Variants in NPHP3 observed in about 807,000 individuals in gnomAD.
NPHP3 encodes nephrocystin-3.
Under a neutral mutation model 171.9 loss-of-function variants are expected in NPHP3, and 123 were observed. That is an observed-to-expected ratio of 0.72 (90% CI 0.62 to 0.83). The LOEUF (loss-of-function observed/expected upper bound fraction) is 0.83, where lower values mean the gene tolerates loss of function less well. Ranked by LOEUF, NPHP3 falls within the 40% of genes least tolerant of loss-of-function variation. The pLI is 0.00. For missense variants in NPHP3, 1,506 were observed against 1,591.9 expected (o/e 0.95, Z 0.92); for synonymous variants, 558 against 579.2 (o/e 0.96, Z 0.52).
At chr3:132,714,567 T>A (rs61080008) in intron 5 of NPHP3, among the ~76,000 whole-genome samples, 22,560 of 109,582 alleles carry the variant, frequency 0.21, 4,202 homozygotes, top group African/African-American at 0.5. Flanking sequence ...AAAAAAAAAA[T>A]AAATAAATTA....
intron 1 of NPHP3, chr3:132,721,709 G>C (rs1308075476): frequency 1.5e-6 from 1 of 676,390 alleles, no homozygotes; most frequent in South Asian, 1.5e-5. Context: ...GGCCGAGGCG[G>C]GAGGATCATT....
At chr3:132,709,608 A>G (rs1215756026) in intron 6 of NPHP3, among the ~76,000 whole-genome samples, 1 of 152,114 alleles carries the variant, frequency 6.6e-6, no homozygotes, top group East Asian at 1.9e-4. Context: ...TTTCTACACA[A>G]CAAAGGACAC....
rs2107974699 is a variant in NPHP3 at position 132,694,944 on chromosome 3, T to C, written c.2193A>G (p.Leu731=). The C allele has an allele frequency of 9.9e-6, 16 of 1,613,920 alleles. No individual in the cohort carries two copies. Among genetic ancestry groups the C allele is most frequent in the Non-Finnish European group, 1.3e-5 (15 of 1,179,924 alleles). The change falls in exon 16 of 27, where the codon TTA becomes TTG. Residue 731 remains leucine (L), a synonymous_variant. Coordinates refer to ENST00000337331, the MANE Select transcript of NPHP3 (RefSeq NM_153240.5). ...MIARAGRAGN[L]DKILHQCFQC... The stretch of plus-strand genomic sequence containing the variant: ...GGAAACACTGATGAAGGATTTTATC[T>C]AAATTGCCTGCTCTCCCAGCACTGT...
At chr3:132,717,606 G>C (rs143244748) in intron 3 of NPHP3, among the ~76,000 whole-genome samples, 1 of 152,220 alleles carries the variant, frequency 6.6e-6, no homozygotes, top group East Asian at 1.9e-4. Flanking sequence ...AAAAGACCTA[G>C]AAAGGAATTT....
chr3:132,720,708 T>G (rs1181763652), intron 1 of NPHP3, among the ~76,000 whole-genome samples: 1 of 152,152 alleles, frequency 6.6e-6, no homozygotes, highest in African/African-American at 2.4e-5. Flanking sequence ...ATGTCTAGTC[T>G]TGAAGACAGG....
chr3:132,689,559 T>C (rs993725108), intron 19 of NPHP3, among the ~76,000 whole-genome samples: 4 of 152,202 alleles, frequency 2.6e-5, no homozygotes, highest in Non-Finnish European at 5.9e-5. Context: ...CTCCACGGTG[T>C]TGGCTGTTAT....
At chr3:132,713,820 T>C (rs938751442) in intron 5 of NPHP3, among the ~76,000 whole-genome samples, 3 of 152,240 alleles carry the variant, frequency 2.0e-5, no homozygotes, top group African/African-American at 4.8e-5. Flanking sequence ...TTTCAATTAC[T>C]GGATGGAAGC....
At chr3:132,710,935 A>C (rs1939892093) in intron 6 of NPHP3, among the ~76,000 whole-genome samples, 1 of 152,206 alleles carries the variant, frequency 6.6e-6, no homozygotes, top group Admixed American at 6.5e-5. Context: ...GCTTGCTCCA[A>C]ATCCAATCAT....
chr3:132,693,941 A>G (rs181080297), intron 16 of NPHP3: 8 of 152,280 alleles, frequency 5.3e-5, no homozygotes, highest in Non-Finnish European at 7.4e-5. Flanking sequence ...ATACATCAAC[A>G]AAAAACTACA....
chr3:132,706,487 A>T (rs1318680491), intron 7 of NPHP3, among the ~76,000 whole-genome samples: 2 of 152,144 alleles, frequency 1.3e-5, no homozygotes, highest in Non-Finnish European at 2.9e-5. Flanking sequence ...ATCAAAATCC[A>T]ATTTTATGTC....
At position 132,715,216 on chromosome 3, in the gene NPHP3, C is replaced by A. The variant is rs1377460724; in HGVS notation, c.826G>T (p.Asp276Tyr). Residue 276 changes from aspartate to tyrosine, a missense_variant and splice_region_variant, in exon 5 of 27, where the codon GAC (aspartate) becomes TAC (tyrosine). By Grantham distance (160) the Asp-to-Tyr change is radical. Transcript: ENST00000337331. Reference protein sequence around the residue: ...EGPFANVNRDDWDIAVASLLQ... With the variant: ...EGPFANVNRDYWDIAVASLLQ... ...AAACTAGCTACAGCAATATCCCAGT[C>A]ATCTGAAAATAAAATTTCTCAAGTT... 2 of 1,611,556 alleles carry A rather than the reference C, an allele frequency of 1.2e-6. No homozygotes were observed. Among genetic ancestry groups the A allele is most frequent in the African/African-American group, 1.3e-5 (1 of 74,832 alleles).
At chr3:132,687,302 T>C in intron 21 of NPHP3, 76 bp from the exon 22 acceptor site, 1 of 710,868 alleles carries the variant, frequency 1.4e-6, no homozygotes, top group Non-Finnish European at 2.5e-6. Flanking sequence ...AAGCACTCTT[T>C]TCATAGTGTA....
intron 6 of NPHP3, among the ~76,000 whole-genome samples, chr3:132,710,844 G>C (rs1325351626): frequency 6.6e-6 from 1 of 152,132 alleles, no homozygotes; most frequent in Non-Finnish European, 1.5e-5. Flanking sequence ...GTAACACCGA[G>C]AGGCACAGTG....
intron 26 of NPHP3, chr3:132,682,364 T>C (rs1023180064): frequency 1.8e-6 from 1 of 551,200 alleles, no homozygotes; most frequent in Non-Finnish European, 3.2e-6. Flanking sequence ...CTCTGCATCC[T>C]GAGAAAAATA....
chr3:132,696,741 T>G lies in NPHP3; in HGVS notation c.2161A>C (p.Met721Leu), dbSNP rs1399552358. 10 of 1,613,968 alleles carry G rather than the reference T, an allele frequency of 6.2e-6. No individual in the cohort carries two copies. In the South Asian group the frequency reaches 7.7e-5, roughly 12 times the overall value. Residue 721 changes from methionine to leucine, a missense_variant, in exon 15 of 27, where the codon ATG becomes CTG. Physicochemically the swap from Met to Leu is conservative, Grantham distance 15 (BLOSUM62 2). Transcript: ENST00000337331. ...ATAATCACCACTCACCGCGCGATCA[T>G]TTTGCCGAAAAGGGTGACATAAAGG... ...NALYVTLFGKMIARAGRAGNL... is the reference protein window; with the variant it reads ...NALYVTLFGKLIARAGRAGNL...
At chr3:132,687,119 C>A in intron 22 of NPHP3, 32 bp downstream of exon 22, 1 of 1,117,426 alleles carries the variant, frequency 8.9e-7, no homozygotes, top group South Asian at 1.3e-5. Flanking sequence ...CTCTTACGTT[C>A]AAAACACAAC....
intron 24 of NPHP3, 82 bp downstream of exon 24, chr3:132,684,472 T>A (rs377734254): frequency 2.8e-5 from 42 of 1,493,616 alleles, no homozygotes; most frequent in African/African-American, 9.7e-5. Flanking sequence ...CTGTCCCTCA[T>A]AAAGACAAAT....
At chr3:132,701,128 CAT>C (rs754381051) in intron 10 of NPHP3, among the ~76,000 whole-genome samples, 6 of 152,126 alleles carry the variant, frequency 3.9e-5, no homozygotes, top group South Asian at 2.1e-4. Context: ...CACTTAATAA[CAT>C]GTGTTATATG....
intron 13 of NPHP3, among the ~76,000 whole-genome samples, chr3:132,698,552 C>T (rs1939518871): frequency 6.6e-6 from 1 of 152,286 alleles, no homozygotes; most frequent in East Asian, 1.9e-4. Flanking sequence ...GCTGGGATTA[C>T]AGATGTGAGC....
Sources: gnomAD v4.1 joint callset for allele counts (sites outside exome capture counted in the v4.1 genomes callset) on GRCh38, gnomAD v4.1.1 for gene constraint, MANE v1.5 for transcripts, NCBI Gene and HGNC (gene_info 2026-07-23, HGNC 2026-07-21) for gene names.